The following FUT8 variants were observed in gnomAD, a reference collection of about 807,000 sequenced individuals.
The protein encoded by FUT8 is alpha-(1,6)-fucosyltransferase.
In FUT8, 29 loss-of-function variants were observed where a neutral mutation model predicts 71.3. The ratio of observed to expected loss-of-function variants is 0.41; its 90% CI spans 0.30 to 0.55. The LOEUF (loss-of-function observed/expected upper bound fraction) is 0.55, where lower values mean the gene tolerates loss of function less well. Ranked by LOEUF, FUT8 falls within the 20% of genes least tolerant of loss-of-function variation. The pLI is 0.34. For missense variants in FUT8, 544 were observed against 702.1 expected (o/e 0.77, Z 2.55); for synonymous variants, 254 against 239.3 (o/e 1.06, Z -0.57).
At chr14:65,700,862 C>A (rs1287451463) in intron 7 of FUT8, among the ~76,000 whole-genome samples, 4 of 152,146 alleles carry the variant, frequency 2.6e-5, no homozygotes, top group African/African-American at 9.7e-5. Flanking sequence ...TTGGGGGGAT[C>A]ACCACTCTTT....
At chr14:65,533,703 A>G in intron 2 of FUT8, among the ~76,000 whole-genome samples, 1 of 152,042 alleles carries the variant, frequency 6.6e-6, no homozygotes, top group African/African-American at 2.4e-5. Context: ...GAGAGAGGGC[A>G]TCTTTGTCTT....
intron 2 of FUT8, among the ~76,000 whole-genome samples, chr14:65,522,980 C>T (rs903642910): frequency 2.0e-5 from 3 of 152,032 alleles, no homozygotes; most frequent in Non-Finnish European, 4.4e-5. Context: ...CATTGATGGA[C>T]GTTTGGGTTG....
chr14:65,571,488 T>G (rs1442857514), intron 3 of FUT8, among the ~76,000 whole-genome samples: 2 of 152,092 alleles, frequency 1.3e-5, no homozygotes, highest in African/African-American at 4.8e-5. Flanking sequence ...ATCAACATAC[T>G]CTTACATACA....
intron 1 of FUT8, among the ~76,000 whole-genome samples, chr14:65,450,148 A>G (rs750247153): frequency 2.6e-5 from 4 of 152,024 alleles, no homozygotes; most frequent in Non-Finnish European, 4.4e-5. Context: ...TCAATGGGCC[A>G]TTTGCTGTTT....
intron 1 of FUT8, among the ~76,000 whole-genome samples, chr14:65,421,747 C>CCCCCCTT (rs57713947): frequency 2.5e-5 from 2 of 79,212 alleles, no homozygotes; most frequent in African/African-American, 9.9e-5. Context: ...CCACCCCCCC[C>CCCCCCTT]TTTTTTTTTT....
intron 3 of FUT8, among the ~76,000 whole-genome samples, chr14:65,565,431 C>T (rs1886142830): frequency 6.6e-6 from 1 of 151,534 alleles, no homozygotes; most frequent in Non-Finnish European, 1.5e-5. Flanking sequence ...GAGGTTATTT[C>T]CATTTTGGGG....
At chr14:65,375,544 C>T in the FUT8 span, among the ~76,000 whole-genome samples, 1 of 152,084 alleles carries the variant, frequency 6.6e-6, no homozygotes, top group African/African-American at 2.4e-5. Flanking sequence ...TCACTTGAGC[C>T]CAGAATGTTG....
intron 3 of FUT8, among the ~76,000 whole-genome samples, chr14:65,611,265 A>AAGTAATAGCCTTGATTTTG (rs1888954477): frequency 3.8e-5 from 3 of 78,836 alleles, no homozygotes; most frequent in Admixed American, 1.3e-4. Context: ...ACACACACAC[A>AAGTAATAGCCTTGATTTTG]CACACACACA....
At chr14:65,469,971 G>T (rs1004229471) in intron 2 of FUT8, among the ~76,000 whole-genome samples, 1 of 152,214 alleles carries the variant, frequency 6.6e-6, no homozygotes. Context: ...TGGCCTGAAG[G>T]TGGGGTCTAT....
intron 6 of FUT8, among the ~76,000 whole-genome samples, chr14:65,659,719 C>A (rs955752940): frequency 1.3e-5 from 2 of 152,024 alleles, no homozygotes; most frequent in African/African-American, 4.8e-5. Flanking sequence ...GTCCGCCTTT[C>A]TTCCCCTCTG....
intron 7 of FUT8, among the ~76,000 whole-genome samples, chr14:65,686,462 C>G (rs1893291851): frequency 6.6e-6 from 1 of 152,166 alleles, no homozygotes. Flanking sequence ...ACTGTGGTTC[C>G]TGAAAGCTAC....
chr14:65,412,312 G>C (rs762405711), upstream of FUT8: 1 of 456,674 alleles, frequency 2.2e-6, no homozygotes, highest in Non-Finnish European at 4.4e-6. Flanking sequence ...GTAGCAAGGA[G>C]CCAGCTTCAA....
chr14:65,617,183 C>T (rs760230021), intron 5 of FUT8: 6 of 1,554,094 alleles, frequency 3.9e-6, no homozygotes, highest in Non-Finnish European at 4.3e-6. Context: ...AAAGAATTAC[C>T]CCATACAAGT....
rs1404257344 is a variant in FUT8 at position 65,643,290 on chromosome 14, A to T, written c.597+13684A>T. On this transcript the variant is annotated intron_variant, in intron 6 of 10. Transcript: ENST00000673929. This position sits in a 1 kb window ranked among gnomAD's most constrained non-coding sequence, Gnocchi z 4.5. ...ATCAATAATAAAAGGCTTTCACAAC[A>T]TCATTCCTTATTGAGGGTATAAAAG... is the stretch of plus-strand genomic sequence containing the variant. Among the ~76,000 whole-genome samples the T allele has an allele frequency of 1.3e-5, 2 of 152,202 alleles. No homozygotes were observed. Among genetic ancestry groups the T allele is most frequent in the African/African-American group, 4.8e-5 (2 of 41,446 alleles).
chr14:65,484,058 A>G (rs1236409875), intron 2 of FUT8, among the ~76,000 whole-genome samples: 1 of 152,162 alleles, frequency 6.6e-6, no homozygotes, highest in Non-Finnish European at 1.5e-5. Context: ...GTTCATTACT[A>G]ATGTATAAGA....
chr14:65,475,650 A>G (rs907965264), intron 2 of FUT8, among the ~76,000 whole-genome samples: 10 of 152,030 alleles, frequency 6.6e-5, no homozygotes, highest in Admixed American at 4.6e-4. Context: ...GCTGAGGCAG[A>G]GGATCGCTTG....
At chr14:65,558,906 T>G (rs1409820106) in intron 2 of FUT8, among the ~76,000 whole-genome samples, 1 of 152,172 alleles carries the variant, frequency 6.6e-6, no homozygotes, top group African/African-American at 2.4e-5. Flanking sequence ...CATGTTTTGC[T>G]CTTATAAAAA....
chr14:65,665,732 C>T (rs1594876484), intron 6 of FUT8, among the ~76,000 whole-genome samples: 1 of 152,138 alleles, frequency 6.6e-6, no homozygotes, highest in African/African-American at 2.4e-5. Context: ...TACATATACA[C>T]CATGGAATAC....
intron 7 of FUT8, among the ~76,000 whole-genome samples, chr14:65,705,427 G>A (rs1028221763): frequency 3.9e-5 from 6 of 152,138 alleles, no homozygotes; most frequent in African/African-American, 1.4e-4. Context: ...TTAAATGGCC[G>A]TCTTTTGTGT....
Sources: gnomAD v4.1 joint callset for allele counts (sites outside exome capture counted in the v4.1 genomes callset) on GRCh38, gnomAD v4.1.1 for gene constraint, Gnocchi (gnomAD v3.1) non-coding constraint, MANE v1.5 for transcripts, NCBI Gene and HGNC (gene_info 2026-07-23, HGNC 2026-07-21) for gene names.